The following MCM8 variants were observed in gnomAD, a reference collection of about 807,000 sequenced individuals.
MCM8 encodes minichromosome maintenance 8 homologous recombination repair factor.
MCM8 carries 85 observed loss-of-function variants against 98.9 expected under a neutral mutation model. The observed-to-expected ratio is 0.86, with a 90% CI of 0.72 to 1.03. The LOEUF (loss-of-function observed/expected upper bound fraction) is 1.03, where lower values mean the gene tolerates loss of function less well. MCM8 is among the 50% of genes least tolerant of loss of function. The pLI, the probability that MCM8 is intolerant of heterozygous loss-of-function variation, is 0.00. For missense variants in MCM8, 951 were observed against 997.8 expected, an observed-to-expected ratio of 0.95 and a Z score of 0.63; for synonymous variants, 352 against 338.6, an observed-to-expected ratio of 1.04 and a Z score of -0.44.
At chr20:5,957,082 ATGTTT>A in intron 5 of MCM8, 39 bp from the exon 6 acceptor site, 1 of 1,250,420 alleles carries the variant, frequency 8.0e-7, no homozygotes. Context: ...TATAAAGAGG[ATGTTT>A]TGTTTTCCAA....
In MCM8 at chr20:5,968,033, T is replaced by C. The variant is rs766929505; in HGVS notation, c.1223+8T>C. On this transcript the variant is annotated splice_region_variant and intron_variant, in intron 10 of 18. Coordinates refer to ENST00000610722, the MANE Select transcript of MCM8 (RefSeq NM_032485.6). Reference sequence around the variant, plus strand: ...GTTTAAACTCATTGTCAAGTATGTATGCTGTCATTTGAAATTTTATTACAT... The same window carrying C: ...GTTTAAACTCATTGTCAAGTATGTACGCTGTCATTTGAAATTTTATTACAT... 1 of 1,586,236 alleles carries C rather than the reference T, an allele frequency of 6.3e-7. No individual in the cohort carries two copies. Among genetic ancestry groups the C allele is most frequent in the South Asian group, 1.2e-5 (1 of 86,820 alleles).
At chr20:5,957,789 A>G (rs576298504) in intron 6 of MCM8, among the ~76,000 whole-genome samples, 4 of 152,384 alleles carry the variant, frequency 2.6e-5, no homozygotes, top group Non-Finnish European at 5.9e-5. Context: ...TTTGTTAGAT[A>G]CAAGGGAATA....
Position 5,972,919 on chromosome 20 carries a change from C to T in MCM8, c.1255-137C>T. 3 of 1,341,592 alleles carry T rather than the reference C, an allele frequency of 2.2e-6. No homozygotes were observed. In the East Asian group the frequency reaches 7.6e-5, roughly 34 times the overall value. The allele number at this position is 1,341,592 out of a possible 1,614,324, so 83.1% of individuals were successfully genotyped here. A position where few individuals can be genotyped will look rare whatever the true frequency, so the allele number is the denominator to read the frequency against. On this transcript the variant is annotated intron_variant, in intron 11 of 18. Coordinates refer to ENST00000610722, the MANE Select transcript of MCM8 (RefSeq NM_032485.6). The stretch of plus-strand genomic sequence containing the variant: ...TGATAGAAGTTTGTTTTTAGACTTC[C>T]TTTTCTTAGAAAAAAATTATCATGC...
intron 12 of MCM8, among the ~76,000 whole-genome samples, chr20:5,975,929 T>G (rs888167334): frequency 9.9e-5 from 15 of 152,160 alleles, no homozygotes; most frequent in African/African-American, 3.6e-4. Flanking sequence ...TGCCTTTGGC[T>G]CAATTTAAAA....
chr20:5,984,968 GT>G lies in MCM8; in HGVS notation c.1924del (p.Ser642LeufsTer9). ...QDSNTSVLEVVSEKPLSERLK... is the reference protein window; with the variant it reads ...QDSNTSVLEVXSEKPLSERLK... ...TTCAAATACTTCCGTACTTGAAGTA[GT>G]TTCTGAGAAGCCATTATCAGAAAGA... On this transcript the variant is annotated frameshift_variant, in exon 15 of 19. Coordinates refer to ENST00000610722, the MANE Select transcript of MCM8 (RefSeq NM_032485.6). LOFTEE classifies it high-confidence loss of function. 1 of 1,613,870 alleles carries G rather than the reference GT, an allele frequency of 6.2e-7. No homozygotes were observed. The highest frequency in any genetic ancestry group is 8.5e-7 in the Non-Finnish European group (1 of 1,179,860).
intron 11 of MCM8, 129 bp from the exon 12 acceptor site, chr20:5,972,927 A>AG: frequency 5.2e-6 from 7 of 1,359,016 alleles, no homozygotes; most frequent in Non-Finnish European, 6.9e-6. Context: ...TCCTTTTCTT[A>AG]GAAAAAAATT....
intron 7 of MCM8, among the ~76,000 whole-genome samples, chr20:5,962,422 C>T (rs2089171419): frequency 1.8e-5 from 1 of 56,478 alleles, no homozygotes; most frequent in South Asian, 6.6e-4. Context: ...GGCCGGACTG[C>T]GGACTGCAGT....
chr20:5,963,303 A>C lies in MCM8; in HGVS notation c.819A>C (p.Ser273=). The C allele has an allele frequency of 1.2e-6, 2 of 1,614,082 alleles. No homozygotes were observed. Among genetic ancestry groups the C allele is most frequent in the Non-Finnish European group, 1.7e-6 (2 of 1,179,998 alleles). Residue 273 remains serine, a synonymous_variant, in exon 8 of 19, where the codon TCA becomes TCC. Coordinates refer to ENST00000610722, the MANE Select transcript of MCM8 (RefSeq NM_032485.6). Reference sequence around the variant, plus strand: ...CTGTGCCTGTGTGTCGAGGCAGGTCATTTACTGCTCTCCGCAGCTCTCCTC... The same window carrying C: ...CTGTGCCTGTGTGTCGAGGCAGGTCCTTTACTGCTCTCCGCAGCTCTCCTC... ...KCPVPVCRGR[S]FTALRSSPLT... is the part of the protein sequence containing the mutation.
At position 5,993,492 on chromosome 20, in the gene MCM8, C is replaced by G; in HGVS notation, c.2241-14C>G. The G allele has an allele frequency of 1.3e-6, 2 of 1,501,606 alleles. No homozygotes were observed. The highest frequency in any genetic ancestry group is 1.8e-6 in the Non-Finnish European group (2 of 1,115,492). The allele number at this position is 1,501,606 out of a possible 1,614,324, so 93.0% of individuals were successfully genotyped here. Reference sequence around the variant, plus strand: ...GTGCTACATTGGGTAATTTTTTCTTCCTTTCTTTTTAAGCATGCTAGGAAC... The same window carrying G: ...GTGCTACATTGGGTAATTTTTTCTTGCTTTCTTTTTAAGCATGCTAGGAAC... On this transcript the variant is annotated splice_polypyrimidine_tract_variant and intron_variant, in intron 17 of 18. Coordinates refer to ENST00000610722, the MANE Select transcript of MCM8 (RefSeq NM_032485.6).
intron 8 of MCM8, 120 bp downstream of exon 8, chr20:5,963,479 A>G: frequency 6.9e-6 from 4 of 583,860 alleles, no homozygotes; most frequent in Non-Finnish European, 1.2e-5. Context: ...ATAATAGTGT[A>G]TAATAGATGG....
chr20:5,954,690 G>A lies in MCM8; in HGVS notation c.336G>A (p.Lys112=). 2 of 1,561,400 alleles carry A rather than the reference G, an allele frequency of 1.3e-6. No individual in the cohort carries two copies. The highest frequency in any genetic ancestry group is 2.2e-5 in the South Asian group (2 of 89,728). Residue 112 remains lysine (K), a splice_region_variant and synonymous_variant, in exon 4 of 19, where the codon AAG becomes AAA. Coordinates refer to ENST00000610722, the MANE Select transcript of MCM8 (RefSeq NM_032485.6). The part of the protein sequence containing the change: ...FFTRHIDLYD[K]DEIERKGSIL... ...CAAGGCATATTGATTTGTATGACAA[G>A]GTAAGATTCCTCTACAGCAAAGCTA...
At position 5,996,306 on chromosome 20, in the gene MCM8, ATAG is replaced by A. The variant is rs2122865623; in HGVS notation, c.*1921_*1923del. Reference sequence around the variant, plus strand: ...AAAAAAAAAAAAATGGAGAAAGTAGATAGTAGTATAAATATAGTGAAGTCTTTA... The same window carrying A: ...AAAAAAAAAAAAATGGAGAAAGTAGATAGTATAAATATAGTGAAGTCTTTA... On this transcript the variant is annotated 3_prime_UTR_variant, in exon 19 of 19. Coordinates refer to ENST00000610722, the MANE Select transcript of MCM8 (RefSeq NM_032485.6). 1 of 151,122 alleles carries A rather than the reference ATAG, an allele frequency of 6.6e-6. No homozygotes were observed. Among genetic ancestry groups the A allele is most frequent in the African/African-American group, 2.4e-5 (1 of 40,922 alleles). 9.4% of individuals were successfully genotyped at this position (151,122 alleles called of 1,614,324 possible). A position where few individuals can be genotyped will look rare whatever the true frequency, so the allele number is the denominator to read the frequency against.
rs767668878 is a variant in MCM8, at chr20:5,983,071, G to GT, written c.1642dup (p.Cys548LeufsTer2). 1.2e-6 allele frequency: 2 copies of GT among 1,614,158 alleles called. No homozygotes were observed. The highest frequency in any genetic ancestry group is 2.2e-5 in the South Asian group (2 of 91,084). ...TATTAGTCTTGCTAAGGCTGGTGTGGTTTGTAGCCTTCCTGCAAGAACTTC... is the reference window on the plus strand; with the variant it reads ...TATTAGTCTTGCTAAGGCTGGTGTGGTTTTGTAGCCTTCCTGCAAGAACTTC... On this transcript the variant is annotated frameshift_variant, in exon 14 of 19. Transcript: ENST00000610722. LOFTEE classifies it high-confidence loss of function.
intron 17 of MCM8, among the ~76,000 whole-genome samples, chr20:5,990,252 T>G (rs983968221): frequency 8.5e-5 from 13 of 152,186 alleles, no homozygotes; most frequent in Non-Finnish European, 1.6e-4. Context: ...TTTTTTTGTA[T>G]TTTTGGTAGA....
chr20:5,998,157 G>A lies in MCM8; in HGVS notation c.*3766G>A, dbSNP rs1272267021. On this transcript the variant is annotated 3_prime_UTR_variant, in exon 19 of 19. Transcript: ENST00000610722. ...GCATTGAATTCATAAACAATGGTAT[G>A]GATATTGACTAGCCAAAGAGGTGGA... 6.6e-6 allele frequency: 1 copy of A among 152,128 alleles called. No individual in the cohort carries two copies. The highest frequency in any genetic ancestry group is 1.5e-5 in the Non-Finnish European group (1 of 68,030). 9.4% of individuals were successfully genotyped at this position (152,128 alleles called of 1,614,324 possible).
intron 7 of MCM8, among the ~76,000 whole-genome samples, chr20:5,962,343 C>G (rs2089165110): frequency 9.5e-6 from 1 of 105,614 alleles, no homozygotes; most frequent in Non-Finnish European, 1.6e-5. Context: ...AAGGAATTAG[C>G]CTTCATTTCT....
chr20:5,955,055 T>C (rs771278348), intron 4 of MCM8, 47 bp from the exon 5 acceptor site: 3 of 1,356,572 alleles, frequency 2.2e-6, no homozygotes, highest in East Asian at 2.3e-5. Flanking sequence ...TAATGGTAAT[T>C]GACTACAGAA....
chr20:5,954,839 A>G (rs58360582), intron 4 of MCM8, 149 bp downstream of exon 4: 6,142 of 606,724 alleles, frequency 0.01, 179 homozygotes, highest in African/African-American at 0.077. Context: ...GACTTTGATT[A>G]ATTACTTCTC....
intron 12 of MCM8, among the ~76,000 whole-genome samples, chr20:5,974,578 T>C (rs1246664587): frequency 6.6e-6 from 1 of 152,232 alleles, no homozygotes; most frequent in Non-Finnish European, 1.5e-5. Context: ...TTAATTACTT[T>C]TGGAGCTCTT....
Sources: gnomAD v4.1 joint callset for allele counts (sites outside exome capture counted in the v4.1 genomes callset) on GRCh38, gnomAD v4.1.1 for gene constraint, MANE v1.5 for transcripts, NCBI Gene and HGNC (gene_info 2026-07-23, HGNC 2026-07-21) for gene names.